C4orf54: variants seen among roughly 807,000 people sequenced by gnomAD.
C4orf54 encodes chromosome 4 open reading frame 54, also known as uncharacterized protein C4orf54.
In C4orf54, 67 loss-of-function variants were observed where a neutral mutation model predicts 80.1. The observed-to-expected ratio is 0.84, with a 90% CI of 0.69 to 1.03. C4orf54 has a LOEUF of 1.03. Among genes scored for constraint, C4orf54 ranks in the 50% least tolerant of loss-of-function variants. The pLI is 0.00. For synonymous variants in C4orf54, 1,000 were observed against 917.0 expected (o/e 1.09, Z -1.64); for missense variants, 2,434 against 2,253.5 (o/e 1.08, Z -1.62).
chr4:99,650,546 C>A lies in C4orf54; in HGVS notation c.4103G>T (p.Arg1368Leu). The A allele has an allele frequency of 6.5e-7, 1 of 1,536,004 alleles. No individual in the cohort carries two copies. Among genetic ancestry groups the A allele is most frequent in the Non-Finnish European group, 8.7e-7 (1 of 1,146,886 alleles). Residue 1368 changes from arginine (R) to leucine (L), a missense_variant, in exon 2 of 3, where the codon CGA becomes CTA. Transcript: ENST00000511828. Reference sequence around the variant, plus strand: ...GTGGACTGGGGGAATATAGAGAGATCGGGGTCTTTCCCTGGCCAGGTTCTC... The same window carrying A: ...GTGGACTGGGGGAATATAGAGAGATAGGGGTCTTTCCCTGGCCAGGTTCTC... Reference protein sequence around the residue: ...AFENLARERPRSLYIPPVHKD... With the variant: ...AFENLARERPLSLYIPPVHKD...
chr4:99,649,803 C>T lies in C4orf54; in HGVS notation c.4846G>A (p.Val1616Met), dbSNP rs757277223. 116 of 1,536,078 alleles carry T rather than the reference C, an allele frequency of 7.6e-5. No homozygotes were observed. The South Asian group carries it at 1.3e-3, about 18-fold the overall frequency. ...ACCAGATAGTACTGGCCTGTTGTCA[C>T]ATCCAGGAGCATCTTACGCTGGGTC... ...QQTQRKMLLD[V>M]TTGQYYLVDT... The change falls in exon 2 of 3, where the codon GTG (valine) becomes ATG (methionine). Residue 1616 changes from valine (V) to methionine (M), a missense_variant. Val to Met is a conservative substitution (Grantham distance 21). Transcript: ENST00000511828.
rs957516367 is a variant in C4orf54 at position 99,653,599 on chromosome 4, A to G, written c.1050T>C (p.Ile350=). 6 of 1,535,662 alleles carry G rather than the reference A, an allele frequency of 3.9e-6. No individual in the cohort carries two copies. The African/African-American group carries it at 6.9e-5, about 18-fold the overall frequency. Residue 350 remains isoleucine (I), a synonymous_variant, in exon 2 of 3, where the codon ATT becomes ATC. Coordinates refer to ENST00000511828, the MANE Select transcript of C4orf54 (RefSeq NM_001354435.2). The part of the protein sequence containing the change: ...AGDGTECRDI[I]AKSQGSRDPP... ...GGTCCCTGCTGCCCTGGGACTTGGCAATAATGTCCCTGCACTCTGTTCCAT... is the reference window on the plus strand; with the variant it reads ...GGTCCCTGCTGCCCTGGGACTTGGCGATAATGTCCCTGCACTCTGTTCCAT...
In C4orf54 at chr4:99,650,106, C is replaced by T; in HGVS notation, c.4543G>A (p.Val1515Ile). 1 of 1,535,840 alleles carries T rather than the reference C, an allele frequency of 6.5e-7. No homozygotes were observed. The highest frequency in any genetic ancestry group is 8.7e-7 in the Non-Finnish European group (1 of 1,146,858). Residue 1515 changes from valine (V) to isoleucine (I), a missense_variant, in exon 2 of 3, where the codon GTC (valine) becomes ATC (isoleucine). Coordinates refer to ENST00000511828, the MANE Select transcript of C4orf54 (RefSeq NM_001354435.2). ...SLPPLSARSQ[V>I]PSSSKGSQVS... ...TGAGAGCCTTTGGAGCTACTGGGGA[C>T]CTGACTGCGGGCACTCAGCGGGGGT...
At chr4:99,657,076 C>T (rs750935899) in intron 1 of C4orf54, among the ~76,000 whole-genome samples, 9 of 152,244 alleles carry the variant, frequency 5.9e-5, no homozygotes, top group Non-Finnish European at 1.0e-4. Context: ...ATAGTTGGCT[C>T]CTTCAGGCAA....
Position 99,649,772 on chromosome 4 carries a change from GT to G in C4orf54, c.4876del (p.Thr1626HisfsTer6), listed in dbSNP as rs1726767720. Reference protein sequence around the residue: ...VTTGQYYLVDTPVQPMTRRLF... With the variant: ...VTTGQYYLVDXPVQPMTRRLF... ...TCTCCGGGTCATGGGCTGTACTGGT[GT>G]GTCCACCAGATAGTACTGGCCTGTT... On this transcript the variant is annotated frameshift_variant, in exon 2 of 3. Transcript: ENST00000511828. LOFTEE classifies it low-confidence loss of function (END_TRUNC). 6.5e-7 allele frequency: 1 copy of G among 1,536,234 alleles called. No homozygotes were observed. The highest frequency in any genetic ancestry group is 1.4e-5 in the African/African-American group (1 of 73,152).
rs763736263 is a variant in C4orf54 at position 99,654,464 on chromosome 4, G to A, written c.185C>T (p.Thr62Ile). 5.9e-5 allele frequency: 42 copies of A among 710,700 alleles called. 1 individual carries two copies. In the South Asian group the frequency reaches 6.2e-4, roughly 10 times the overall value. 44.0% of individuals were successfully genotyped at this position (710,700 alleles called of 1,614,324 possible). ...AGAAAPQPQT[T>I]STASSRSLPT... ...AAGGCTCCTGGATGAGGCGGTGGAG[G>A]TGGTCTGTGGCTGGGGGGCTGCTGC... The change falls in exon 2 of 3, where the codon ACC (threonine) becomes ATC (isoleucine). Residue 62 changes from threonine (T) to isoleucine (I), a missense_variant. Physicochemically the swap from Thr to Ile is moderately conservative, Grantham distance 89. Coordinates refer to ENST00000511828, the MANE Select transcript of C4orf54 (RefSeq NM_001354435.2).
chr4:99,639,125 G>T lies in C4orf54; in HGVS notation c.*2108C>A, dbSNP rs1209525703. 1 of 152,104 alleles carries T rather than the reference G, an allele frequency of 6.6e-6. No homozygotes were observed. The highest frequency in any genetic ancestry group is 2.4e-5 in the African/African-American group (1 of 41,424). The allele number at this position is 152,104 out of a possible 1,614,324, so 9.4% of individuals were successfully genotyped here. ...AGTTGTCTCTCTTTTGGAAGAGTTG[G>T]TGAGCAGTCACTACTCAACATGGCC... On this transcript the variant is annotated 3_prime_UTR_variant, in exon 3 of 3. Transcript: ENST00000511828.
rs1727000142 is a variant in C4orf54, at chr4:99,657,514, C to T, written c.-51G>A. Among the ~76,000 whole-genome samples, 1 of 152,212 alleles carries T rather than the reference C, an allele frequency of 6.6e-6. No homozygotes were observed. Among genetic ancestry groups the T allele is most frequent in the Non-Finnish European group, 1.5e-5 (1 of 68,042 alleles). On this transcript the variant is annotated 5_prime_UTR_variant, in exon 1 of 3. Transcript: ENST00000511828. ...ACTTACCTCCAAAGTATCTGTGTGG[C>T]TCCTTTACTGCTTTCTAGCTAAATG... is the stretch of plus-strand genomic sequence containing the variant.
rs1578278167 is a variant in C4orf54, at chr4:99,654,258, G to A, written c.391C>T (p.His131Tyr). 1 of 1,536,144 alleles carries A rather than the reference G, an allele frequency of 6.5e-7. No homozygotes were observed. The change falls in exon 2 of 3, where the codon CAT becomes TAT. Residue 131 changes from histidine to tyrosine, a missense_variant. Physicochemically the swap from His to Tyr is moderately conservative, Grantham distance 83. Transcript: ENST00000511828. ...RRTQDFPSDH[H>Y]CLFLSLKPGQ... Reference sequence around the variant, plus strand: ...GGTTTCAGCGACAGGAAGAGACAATGGTGATCGCTGGGGAAGTCTTGGGTC... The same window carrying A: ...GGTTTCAGCGACAGGAAGAGACAATAGTGATCGCTGGGGAAGTCTTGGGTC...
At position 99,651,541 on chromosome 4, in the gene C4orf54, C is replaced by T. The variant is rs780173168; in HGVS notation, c.3108G>A (p.Val1036=). The change falls in exon 2 of 3, where the codon GTG becomes GTA. Residue 1036 remains valine (V), a synonymous_variant. Coordinates refer to ENST00000511828, the MANE Select transcript of C4orf54 (RefSeq NM_001354435.2). ...APEIKIRLGS[V]QQPSSDFNIA... ...TGTTGAAGTCTGAGCTCGGCTGCTG[C>T]ACACTCCCCAGCCGGATCTTGATTT... 10 of 1,536,048 alleles carry T rather than the reference C, an allele frequency of 6.5e-6. No homozygotes were observed. In the South Asian group the frequency reaches 1.1e-4, roughly 16 times the overall value.
At position 99,639,573 on chromosome 4, in the gene C4orf54, T is replaced by C. The variant is rs546241094; in HGVS notation, c.*1660A>G. On this transcript the variant is annotated 3_prime_UTR_variant, in exon 3 of 3. Transcript: ENST00000511828. ...TCATAAAGTCTATAGCTTCATTTCA[T>C]AGCTCATCAGCACAACAAGCAATTG... 6.6e-6 allele frequency: 1 copy of C among 152,250 alleles called. No homozygotes were observed. The highest frequency in any genetic ancestry group is 1.9e-4 in the East Asian group (1 of 5,192). 9.4% of individuals were successfully genotyped at this position (152,250 alleles called of 1,614,324 possible). A position where few individuals can be genotyped will look rare whatever the true frequency, so the allele number is the denominator to read the frequency against.
rs13114983 is a variant in C4orf54, at chr4:99,654,326, G to T, written c.323C>A (p.Thr108Asn). The change falls in exon 2 of 3, where the codon ACC (threonine) becomes AAC (asparagine). Residue 108 changes from threonine to asparagine, a missense_variant. Thr to Asn is a moderately conservative substitution (Grantham distance 65). Transcript: ENST00000511828. ...GGGCTGCAGAGTTGCCCGAAGCAGG[G>T]TCCCACGTATCTGGACTGGCCCCAA... ...TALGPVQIRG[T>N]LLRATLQPLR... 73,006 of 1,456,964 alleles carry T rather than the reference G, an allele frequency of 0.05. 4,110 individuals are homozygous for T. The highest frequency in any genetic ancestry group is 0.22 in the African/African-American group (15,868 of 71,202). The allele number at this position is 1,456,964 out of a possible 1,614,324, so 90.3% of individuals were successfully genotyped here. A position where few individuals can be genotyped will look rare whatever the true frequency, so the allele number is the denominator to read the frequency against.
chr4:99,650,422 C>A lies in C4orf54; in HGVS notation c.4227G>T (p.Gly1409=), dbSNP rs1374993539. 1 of 1,536,082 alleles carries A rather than the reference C, an allele frequency of 6.5e-7. No homozygotes were observed. The highest frequency in any genetic ancestry group is 2.0e-5 in the Admixed American group (1 of 50,990). ...TVSASSIQKT[G]GVAGKFPQGP... ...CTTGTGGGAACTTGCCAGCGACACC[C>A]CCAGTTTTCTGGATGCTGCTGGCAC... The change falls in exon 2 of 3, where the codon GGG becomes GGT. Residue 1409 remains glycine, a synonymous_variant. Transcript: ENST00000511828.
rs779112851 is a variant in C4orf54 at position 99,651,260 on chromosome 4, A to T, written c.3389T>A (p.Leu1130Gln). Residue 1130 changes from leucine to glutamine, a missense_variant, in exon 2 of 3, where the codon CTG becomes CAG. Physicochemically the swap from Leu to Gln is moderately radical, Grantham distance 113. Coordinates refer to ENST00000511828, the MANE Select transcript of C4orf54 (RefSeq NM_001354435.2). ...DKGSVTPEQG[L>Q]TGPKPRQLSA... ...CAGCTGCCTGGGTTTGGGTCCAGTC[A>T]GCCCCTGCTCTGGGGTAACACTGCC... 8 of 1,535,992 alleles carry T rather than the reference A, an allele frequency of 5.2e-6. No homozygotes were observed. The highest frequency in any genetic ancestry group is 6.1e-6 in the Non-Finnish European group (7 of 1,146,914).
In C4orf54 at chr4:99,650,117, G is replaced by A; in HGVS notation, c.4532C>T (p.Ala1511Val). 6.5e-7 allele frequency: 1 copy of A among 1,535,964 alleles called. No individual in the cohort carries two copies. The highest frequency in any genetic ancestry group is 8.7e-7 in the Non-Finnish European group (1 of 1,146,874). The change falls in exon 2 of 3, where the codon GCC (alanine) becomes GTC (valine). Residue 1511 changes from alanine (A) to valine (V), a missense_variant. Transcript: ENST00000511828. ...GGAGCTACTGGGGACCTGACTGCGG[G>A]CACTCAGCGGGGGTAAACTACAGAG... Reference protein sequence around the residue: ...ATLCSLPPLSARSQVPSSSKG... With the variant: ...ATLCSLPPLSVRSQVPSSSKG...
intron 1 of C4orf54, among the ~76,000 whole-genome samples, chr4:99,656,088 T>G (rs1452933164): frequency 6.6e-6 from 1 of 152,028 alleles, no homozygotes; most frequent in Non-Finnish European, 1.5e-5. Flanking sequence ...AAGTATGACT[T>G]AAGGCAAGAC....
chr4:99,643,792 A>ACACC (rs61130907), intron 2 of C4orf54, among the ~76,000 whole-genome samples: 990 of 98,690 alleles, frequency 0.01, 20 homozygotes, highest in Non-Finnish European at 0.014. Flanking sequence ...ACACACACAC[A>ACACC]CCCCCTCCGC....
At position 99,650,720 on chromosome 4, in the gene C4orf54, T is replaced by C; in HGVS notation, c.3929A>G (p.Asp1310Gly). Reference protein sequence around the residue: ...EGVVVADGDHDKLSKRLGEVE... With the variant: ...EGVVVADGDHGKLSKRLGEVE... ...CTCACCCAGCCGTTTGGACAGCTTG[T>C]CGTGGTCTCCATCAGCAACCACTAC... Residue 1310 changes from aspartate to glycine, a missense_variant, in exon 2 of 3, where the codon GAC becomes GGC. Physicochemically the swap from Asp to Gly is moderately conservative, Grantham distance 94 (BLOSUM62 -1). Coordinates refer to ENST00000511828, the MANE Select transcript of C4orf54 (RefSeq NM_001354435.2). 2 of 1,536,148 alleles carry C rather than the reference T, an allele frequency of 1.3e-6. No individual in the cohort carries two copies. The highest frequency in any genetic ancestry group is 1.7e-6 in the Non-Finnish European group (2 of 1,146,916).
At chr4:99,649,050 G>C (rs964223696) in intron 2 of C4orf54, among the ~76,000 whole-genome samples, 181 bp downstream of exon 2, 1 of 152,250 alleles carries the variant, frequency 6.6e-6, no homozygotes, top group Non-Finnish European at 1.5e-5. Flanking sequence ...GAAGCCTAGA[G>C]AGAGGGGGAA....
Sources: allele counts gnomAD v4.1 joint callset (sites outside exome capture counted in the v4.1 genomes callset), GRCh38; gene constraint gnomAD v4.1.1; transcripts MANE v1.5; gene names NCBI Gene and HGNC (gene_info 2026-07-23, HGNC 2026-07-21).